Variants in METAP1D observed in about 807,000 individuals in gnomAD.
METAP1D encodes the protein methionyl aminopeptidase type 1D, mitochondrial, also known as methionine aminopeptidase 1D, mitochondrial.
METAP1D carries 31 observed loss-of-function variants against 40.5 expected under a neutral mutation model. The observed-to-expected ratio is 0.77, with a 90% CI of 0.58 to 1.03. The LOEUF (loss-of-function observed/expected upper bound fraction) is 1.03, where lower values mean the gene tolerates loss of function less well. Among genes scored for constraint, METAP1D ranks in the 50% least tolerant of loss-of-function variants. METAP1D has a pLI of 0.00. For missense variants in METAP1D, 411 were observed against 420.7 expected (o/e 0.98, Z 0.20); for synonymous variants, 151 against 146.4 (o/e 1.03, Z -0.22).
intron 1 of METAP1D, among the ~76,000 whole-genome samples, chr2:172,013,926 T>A (rs996333415): frequency 6.0e-5 from 9 of 150,186 alleles, no homozygotes; most frequent in African/African-American, 2.2e-4. Context: ...GTTCAAGCGA[T>A]TCTCCTGGCT....
intron 1 of METAP1D, among the ~76,000 whole-genome samples, chr2:172,034,400 A>G (rs1689321198): frequency 7.0e-6 from 1 of 143,434 alleles, no homozygotes; most frequent in Admixed American, 7.0e-5. Flanking sequence ...CATAAGTCTC[A>G]GTTTTTGTGT....
At chr2:172,050,883 C>T (rs1689870773) in intron 1 of METAP1D, among the ~76,000 whole-genome samples, 1 of 152,178 alleles carries the variant, frequency 6.6e-6, no homozygotes. Context: ...TACATTTTAA[C>T]CACGGCCCTA....
Position 172,077,799 on chromosome 2 carries a change from A to G in METAP1D, c.707A>G (p.His236Arg), listed in dbSNP as rs745620172. The G allele has an allele frequency of 4.4e-6, 7 of 1,589,834 alleles. No homozygotes were observed. The highest frequency in any genetic ancestry group is 1.1e-5 in the South Asian group (1 of 89,116). The change falls in exon 7 of 10, where the codon CAC becomes CGC. Residue 236 changes from histidine (H) to arginine (R), a missense_variant and splice_region_variant. Physicochemically the swap from His to Arg is conservative, Grantham distance 29 (BLOSUM62 0). Transcript: ENST00000315796. ...PFSVIGNTISHITHQNGFQVC... is the reference protein window; with the variant it reads ...PFSVIGNTISRITHQNGFQVC... ...ATATTTTTTGGTCACTTTTAAAGCC[A>G]CATAACTCATCAGAATGGTTTTCAA...
At chr2:172,051,989 C>T (rs1689895552) in intron 1 of METAP1D, among the ~76,000 whole-genome samples, 1 of 152,022 alleles carries the variant, frequency 6.6e-6, no homozygotes, top group Non-Finnish European at 1.5e-5. Context: ...ATCTTTGTTA[C>T]TGTTTTAGTG....
chr2:172,014,568 A>G (rs1171434824), intron 1 of METAP1D, among the ~76,000 whole-genome samples: 1 of 152,222 alleles, frequency 6.6e-6, no homozygotes, highest in African/African-American at 2.4e-5. Context: ...TGTTCTGACC[A>G]AGAAGTTGGA....
In METAP1D at chr2:172,016,295, AAAAAAAT is replaced by A. The variant is rs1355710385; in HGVS notation, c.40+16288_40+16294del. ...TGTCTCAAAAAAAAAAAAAAAAAAAAAAAAAATATATATATATATATATATATATATA... is the reference window on the plus strand; with the variant it reads ...TGTCTCAAAAAAAAAAAAAAAAAAAAATATATATATATATATATATATATA... On this transcript the variant is annotated intron_variant, in intron 1 of 9. Transcript: ENST00000315796. Among the ~76,000 whole-genome samples, 33 of 78,600 alleles carry A rather than the reference AAAAAAAT, an allele frequency of 4.2e-4. No homozygotes were observed. In the East Asian group the frequency reaches 0.012, roughly 28 times the overall value. The allele number at this position is 78,600 out of a possible 152,430, so 51.6% of individuals were successfully genotyped here.
chr2:172,005,517 A>ATT (rs201489655), intron 1 of METAP1D, among the ~76,000 whole-genome samples: 14 of 89,584 alleles, frequency 1.6e-4, no homozygotes, highest in African/African-American at 4.6e-4. Context: ...TGGTGTCTGT[A>ATT]TTTTATATAT....
chr2:172,062,068 T>C (rs1288997328), intron 2 of METAP1D: 1 of 152,440 alleles, frequency 6.6e-6, no homozygotes, highest in Non-Finnish European at 1.5e-5. Context: ...TTCCTTGTTA[T>C]TGATGCTGGT....
intron 1 of METAP1D, among the ~76,000 whole-genome samples, chr2:172,030,256 AT>A (rs993242902): frequency 1.3e-5 from 2 of 149,894 alleles, no homozygotes; most frequent in East Asian, 2.0e-4. Context: ...TGCCTGGCTA[AT>A]TTTTTTTTAT....
At chr2:172,022,126 T>C (rs932172442) in intron 1 of METAP1D, among the ~76,000 whole-genome samples, 2 of 152,218 alleles carry the variant, frequency 1.3e-5, no homozygotes, top group African/African-American at 4.8e-5. Context: ...GCAGACTACC[T>C]GGATCCAGGC....
In METAP1D at chr2:172,047,440, T is replaced by TC. The variant is rs1491314951; in HGVS notation, c.41-14058_41-14057insC. ...TAACAGAATAAAAAAGGCTGAATTC[T>TC]TTTTTTTTTTTGAGACAGGGTCTCA... On this transcript the variant is annotated intron_variant, in intron 1 of 9. Coordinates refer to ENST00000315796, the MANE Select transcript of METAP1D (RefSeq NM_199227.3). 7.7e-5 allele frequency among the ~76,000 whole-genome samples: 6 copies of TC among 77,464 alleles called. No individual in the cohort carries two copies. The East Asian group carries it at 1.5e-3, about 19-fold the overall frequency. The allele number at this position is 77,464 out of a possible 152,430, so 50.8% of individuals were successfully genotyped here. A position where few individuals can be genotyped will look rare whatever the true frequency, so the allele number is the denominator to read the frequency against.
intron 1 of METAP1D, among the ~76,000 whole-genome samples, chr2:172,046,286 CT>C (rs1689763701): frequency 6.6e-6 from 1 of 151,650 alleles, no homozygotes; most frequent in Non-Finnish European, 1.5e-5. Context: ...TTCATTTTAG[CT>C]GTCTGGATGA....
intron 1 of METAP1D, among the ~76,000 whole-genome samples, chr2:172,057,153 C>T (rs1690021586): frequency 6.6e-6 from 1 of 152,110 alleles, no homozygotes; most frequent in Non-Finnish European, 1.5e-5. Context: ...GACTTGTGAG[C>T]CTTAGTTCCT....
At chr2:172,048,862 C>A (rs944996349) in intron 1 of METAP1D, among the ~76,000 whole-genome samples, 1 of 152,096 alleles carries the variant, frequency 6.6e-6, no homozygotes, top group Non-Finnish European at 1.5e-5. Flanking sequence ...TTGGTGTTGG[C>A]TAAGGTTTTC....
At chr2:172,052,964 T>A (rs961137553) in intron 1 of METAP1D, among the ~76,000 whole-genome samples, 20 of 152,238 alleles carry the variant, frequency 1.3e-4, no homozygotes, top group African/African-American at 4.3e-4. Flanking sequence ...TCTCATGAAA[T>A]GTGAGCTTCT....
chr2:172,020,624 A>G (rs1409322479), intron 1 of METAP1D, among the ~76,000 whole-genome samples: 1 of 152,244 alleles, frequency 6.6e-6, no homozygotes, highest in African/African-American at 2.4e-5. Context: ...ACATCAACAC[A>G]GACAAAACCC....
At chr2:172,020,930 C>T (rs1688990387) in intron 1 of METAP1D, among the ~76,000 whole-genome samples, 1 of 152,056 alleles carries the variant, frequency 6.6e-6, no homozygotes, top group Non-Finnish European at 1.5e-5. Context: ...ATGGCTTTCC[C>T]ATTATGTCAA....
intron 1 of METAP1D, among the ~76,000 whole-genome samples, chr2:172,059,907 C>T (rs534584336): frequency 1.3e-5 from 2 of 152,126 alleles, no homozygotes; most frequent in Non-Finnish European, 2.9e-5. Flanking sequence ...AAAAATTAGC[C>T]GGGCCTGGTG....
rs1553493427 is a variant in METAP1D, at chr2:172,041,726, T to TATATATATA, written c.41-19772_41-19771insATATATATA. Among the ~76,000 whole-genome samples the TATATATATA allele has an allele frequency of 6.1e-4, 23 of 37,572 alleles. 2 individuals carry two copies. The highest frequency in any genetic ancestry group is 1.2e-3 in the Non-Finnish European group (18 of 15,596). The allele number at this position is 37,572 out of a possible 152,430, so 24.6% of individuals were successfully genotyped here. A position where few individuals can be genotyped will look rare whatever the true frequency, so the allele number is the denominator to read the frequency against. On this transcript the variant is annotated intron_variant, in intron 1 of 9. Coordinates refer to ENST00000315796, the MANE Select transcript of METAP1D (RefSeq NM_199227.3). ...TTTTAATTTCCTTACTCTAATTATTTTATATATATATATATATATATATAT... is the reference window on the plus strand; with the variant it reads ...TTTTAATTTCCTTACTCTAATTATTTATATATATATATATATATATATATATATATATAT...
Sources: allele counts gnomAD v4.1 joint callset (sites outside exome capture counted in the v4.1 genomes callset), GRCh38; gene constraint gnomAD v4.1.1; transcripts MANE v1.5; gene names NCBI Gene and HGNC (gene_info 2026-07-23, HGNC 2026-07-21).